Variants in VPS13D observed in about 807,000 individuals in gnomAD.
VPS13D encodes intermembrane lipid transfer protein VPS13D.
Under a neutral mutation model 461.9 loss-of-function variants are expected in VPS13D, and 187 were observed. That is an observed-to-expected ratio of 0.40 (90% CI 0.36 to 0.46). The LOEUF (loss-of-function observed/expected upper bound fraction) is 0.46. VPS13D is among the 20% of genes least tolerant of loss of function. The pLI, the probability that VPS13D is intolerant of heterozygous loss-of-function variation, is 0.60. For missense variants in VPS13D, 4,711 were observed against 5,364.9 expected (o/e 0.88, Z 3.81); for synonymous variants, 1,951 against 1,986.3 (o/e 0.98, Z 0.47).
intron 35 of VPS13D, among the ~76,000 whole-genome samples, chr1:12,326,273 C>T (rs1226857878): frequency 2.7e-5 from 3 of 109,274 alleles, no homozygotes; most frequent in African/African-American, 1.2e-4. Context: ...TTTAACAATT[C>T]GAGCACCTTT....
chr1:12,353,340 C>G (rs151029489), intron 46 of VPS13D, among the ~76,000 whole-genome samples: 6 of 151,614 alleles, frequency 4.0e-5, no homozygotes, highest in Non-Finnish European at 8.8e-5. Context: ...AAGACCATCC[C>G]GGCTAACATG....
At chr1:12,480,180 TCA>T (rs1484208744) in intron 67 of VPS13D, among the ~76,000 whole-genome samples, 8 of 152,240 alleles carry the variant, frequency 5.3e-5, no homozygotes, top group Non-Finnish European at 1.2e-4. Context: ...TGCCAGTTTG[TCA>T]CAGAATAGCA....
chr1:12,370,278 G>A (rs1229411535), intron 54 of VPS13D, among the ~76,000 whole-genome samples: 1 of 152,284 alleles, frequency 6.6e-6, no homozygotes, highest in East Asian at 1.9e-4. Context: ...TCAAAACACT[G>A]GGCTTTCAGA....
At chr1:12,456,552 T>G (rs1645330319) in intron 66 of VPS13D, among the ~76,000 whole-genome samples, 1 of 149,204 alleles carries the variant, frequency 6.7e-6, no homozygotes, top group Non-Finnish European at 1.5e-5. Context: ...GCAGGAGAAT[T>G]GCTCGAACCC....
chr1:12,262,189 CTG>C, intron 13 of VPS13D, 109 bp downstream of exon 13: 4 of 1,198,502 alleles, frequency 3.3e-6, no homozygotes, highest in Non-Finnish European at 4.6e-6. Context: ...AGTGCGAAAA[CTG>C]TATTAGCTAA....
intron 26 of VPS13D, 78 bp downstream of exon 26, chr1:12,304,806 C>A: frequency 1.5e-6 from 2 of 1,378,880 alleles, no homozygotes; most frequent in Non-Finnish European, 2.0e-6. Context: ...GGGGGGTGGG[C>A]ATTGTGTTCA....
chr1:12,508,542 TAAAAAA>T (rs540771447), intron 69 of VPS13D, among the ~76,000 whole-genome samples: 5 of 116,272 alleles, frequency 4.3e-5, no homozygotes, highest in African/African-American at 9.5e-5. Context: ...CATCTCTACT[TAAAAAA>T]AAAAAAAAAA....
chr1:12,277,077 C>T lies in VPS13D; in HGVS notation c.3489C>T (p.Asn1163=), dbSNP rs1641636456. The T allele has an allele frequency of 2.5e-6, 4 of 1,614,018 alleles. No homozygotes were observed. The African/African-American group carries it at 4.0e-5, about 16-fold the overall frequency. The stretch of plus-strand genomic sequence containing the variant: ...CTTACCAGTCTACATATGAACAAAA[C>T]ACTGAGGTTGCAGTGGAAATCCATA... ...QGTYQSTYEQ[N]TEVAVEIHRL... Residue 1163 remains asparagine, a synonymous_variant, in exon 19 of 70, where the codon AAC becomes AAT. Transcript: ENST00000620676.
At chr1:12,418,000 G>A (rs755953774) in intron 65 of VPS13D, among the ~76,000 whole-genome samples, 2 of 152,086 alleles carry the variant, frequency 1.3e-5, no homozygotes, top group African/African-American at 2.4e-5. Context: ...TCTGCCTCCC[G>A]AGTTCAAGCA....
At chr1:12,366,702 T>A (rs1057333858) in intron 52 of VPS13D, among the ~76,000 whole-genome samples, 1 of 152,218 alleles carries the variant, frequency 6.6e-6, no homozygotes, top group Non-Finnish European at 1.5e-5. Context: ...TTTACTTTCC[T>A]CACCTTTTCA....
intron 54 of VPS13D, among the ~76,000 whole-genome samples, chr1:12,369,983 G>T (rs1644094507): frequency 1.3e-5 from 2 of 152,040 alleles, no homozygotes; most frequent in Non-Finnish European, 1.5e-5. Context: ...CTATTTATTA[G>T]TCTGTTTTGC....
intron 66 of VPS13D, among the ~76,000 whole-genome samples, chr1:12,457,005 A>G (rs546560196): frequency 6.6e-6 from 1 of 152,364 alleles, no homozygotes; most frequent in East Asian, 1.9e-4. Flanking sequence ...ATAAATGTGC[A>G]TTCACTAAAA....
At chr1:12,270,893 T>A in intron 16 of VPS13D, 101 bp from the exon 17 acceptor site, 2 of 1,483,684 alleles carry the variant, frequency 1.3e-6, no homozygotes, top group Non-Finnish European at 1.8e-6. Context: ...TTTTTTTTTT[T>A]TTAAGCTTTG....
intron 26 of VPS13D, among the ~76,000 whole-genome samples, chr1:12,306,699 C>T (rs1642574355): frequency 6.6e-6 from 1 of 152,136 alleles, no homozygotes; most frequent in African/African-American, 2.4e-5. Context: ...TACCCTAGAG[C>T]AGCAGTCCCC....
Position 12,318,145 on chromosome 1 carries a change from C to T in VPS13D, c.7222C>T (p.Leu2408=). ...TGTGTTTCTCATATTTGACTGGCTA[C>T]TGTTAGTCCATGATTTTCTCCACAC... ...LRVFLIFDWL[L]LVHDFLHTPS... The change falls in exon 31 of 70, where the codon CTG becomes TTG. Residue 2408 remains leucine, a synonymous_variant. Transcript: ENST00000620676. The T allele has an allele frequency of 6.2e-7, 1 of 1,613,936 alleles. No individual in the cohort carries two copies. The highest frequency in any genetic ancestry group is 2.2e-5 in the East Asian group (1 of 44,902).
At position 12,403,807 on chromosome 1, in the gene VPS13D, A is replaced by T. The variant is rs748804417; in HGVS notation, c.11882-18A>T. 2.6e-6 allele frequency: 4 copies of T among 1,565,608 alleles called. No individual in the cohort carries two copies. In the Admixed American group the frequency reaches 6.3e-5, roughly 25 times the overall value. The stretch of plus-strand genomic sequence containing the variant: ...TAAGAAATTCTTTTTTGTTTTTTTA[A>T]TTCTTCCTTTGTACCAGAGGTGGAA... On this transcript the variant is annotated intron_variant, in intron 62 of 69. Transcript: ENST00000620676.
intron 6 of VPS13D, among the ~76,000 whole-genome samples, chr1:12,250,778 G>A (rs2101236338): frequency 6.6e-6 from 1 of 152,382 alleles, no homozygotes; most frequent in East Asian, 1.9e-4. Flanking sequence ...TCTAAGTTAG[G>A]GCTTGGCACA....
At chr1:12,417,178 G>A (rs1026762933) in intron 65 of VPS13D, among the ~76,000 whole-genome samples, 3 of 151,964 alleles carry the variant, frequency 2.0e-5, no homozygotes, top group African/African-American at 7.3e-5. Context: ...CCATTCTCCT[G>A]CCTGAGATCT....
At chr1:12,413,798 C>T (rs1644761737) in intron 63 of VPS13D, among the ~76,000 whole-genome samples, 2 of 149,582 alleles carry the variant, frequency 1.3e-5, no homozygotes, top group Admixed American at 6.7e-5. Flanking sequence ...TTTTTTTAAA[C>T]GATCTATACC....
Sources: gnomAD v4.1 joint callset for allele counts (sites outside exome capture counted in the v4.1 genomes callset) on GRCh38, gnomAD v4.1.1 for gene constraint, MANE v1.5 for transcripts, NCBI Gene and HGNC (gene_info 2026-07-23, HGNC 2026-07-21) for gene names.